The following EBF1 variants were observed in gnomAD, a reference collection of about 807,000 sequenced individuals.
EBF1 encodes the protein EBF transcription factor 1.
Under a neutral mutation model 68.4 loss-of-function variants are expected in EBF1, and 10 were observed. The ratio of observed to expected loss-of-function variants is 0.15; its 90% CI spans 0.09 to 0.25. The LOEUF is 0.25. Ranked by LOEUF, EBF1 falls within the 10% of genes least tolerant of loss-of-function variation. The pLI, the probability that EBF1 is intolerant of heterozygous loss-of-function variation, is 1.00. For synonymous variants in EBF1, 298 were observed against 299.8 expected (o/e 0.99, Z 0.06); for missense variants, 509 against 794.4 (o/e 0.64, Z 4.32).
At chr5:158,927,539 A>G (rs918810306) in intron 6 of EBF1, among the ~76,000 whole-genome samples, 1 of 152,238 alleles carries the variant, frequency 6.6e-6, no homozygotes, top group Non-Finnish European at 1.5e-5. Flanking sequence ...CATTCTAATA[A>G]TACAGGAATT....
rs1038767194 is a variant in EBF1, at chr5:159,085,887, T to C, written c.412-1148A>G. On this transcript the variant is annotated intron_variant, in intron 4 of 15. Coordinates refer to ENST00000313708, the MANE Select transcript of EBF1 (RefSeq NM_024007.5). Reference sequence around the variant, plus strand: ...ACTTTCAGAACCTGTAAATGATGAATATAACTTGCGACCCAGTGTGTATAG... The same window carrying C: ...ACTTTCAGAACCTGTAAATGATGAACATAACTTGCGACCCAGTGTGTATAG... Among the ~76,000 whole-genome samples, 27 of 152,158 alleles carry C rather than the reference T, an allele frequency of 1.8e-4. 1 individual carries two copies. The highest frequency in any genetic ancestry group is 4.1e-4 in the South Asian group (2 of 4,826).
chr5:158,895,793 A>T (rs1383216319), intron 6 of EBF1, among the ~76,000 whole-genome samples: 1 of 152,186 alleles, frequency 6.6e-6, no homozygotes, highest in African/African-American at 2.4e-5. Flanking sequence ...AACATATCTG[A>T]AGCTTGTTTT....
intron 6 of EBF1, among the ~76,000 whole-genome samples, chr5:159,016,237 G>C (rs1765594843): frequency 6.6e-6 from 1 of 151,854 alleles, no homozygotes; most frequent in South Asian, 2.1e-4. Context: ...TCCTGGACTT[G>C]AATCTAGAGC....
intron 9 of EBF1, among the ~76,000 whole-genome samples, chr5:158,778,188 C>T (rs1175107989): frequency 2.0e-5 from 3 of 152,108 alleles, no homozygotes; most frequent in Admixed American, 1.3e-4. Flanking sequence ...TGCAATGCCA[C>T]GTGCACAATG....
chr5:158,879,337 G>C (rs1299674208), intron 6 of EBF1, among the ~76,000 whole-genome samples: 2 of 152,208 alleles, frequency 1.3e-5, no homozygotes, highest in Non-Finnish European at 2.9e-5. Context: ...AAGGAAGAGA[G>C]TACATGCGTC....
intron 6 of EBF1, among the ~76,000 whole-genome samples, chr5:158,994,650 G>A (rs1352608308): frequency 6.6e-6 from 1 of 152,156 alleles, no homozygotes; most frequent in African/African-American, 2.4e-5. Flanking sequence ...CATAACGAGA[G>A]TGACTGATCT....
At chr5:158,980,984 C>T (rs1182314601) in intron 6 of EBF1, among the ~76,000 whole-genome samples, 1 of 151,720 alleles carries the variant, frequency 6.6e-6, no homozygotes, top group Admixed American at 6.6e-5. Flanking sequence ...TATTTAAAAC[C>T]ACTGCAAAAG....
At chr5:159,091,699 C>T (rs1373081049) in intron 4 of EBF1, among the ~76,000 whole-genome samples, 1 of 152,172 alleles carries the variant, frequency 6.6e-6, no homozygotes, top group African/African-American at 2.4e-5. Context: ...AAAAAATACA[C>T]TTGCATCAAT....
chr5:158,854,235 C>T (rs1321733599), intron 6 of EBF1, among the ~76,000 whole-genome samples: 1 of 152,198 alleles, frequency 6.6e-6, no homozygotes, highest in Non-Finnish European at 1.5e-5. Context: ...TCACTTTGTG[C>T]CCATTTTAAA....
At chr5:159,002,704 T>C (rs1583841005) in intron 6 of EBF1, among the ~76,000 whole-genome samples, 1 of 152,340 alleles carries the variant, frequency 6.6e-6, no homozygotes, top group Middle Eastern at 3.4e-3. Flanking sequence ...ATTCAAAGGA[T>C]GAAGCCATAT....
At chr5:159,061,709 C>T (rs923646900) in intron 6 of EBF1, among the ~76,000 whole-genome samples, 7 of 151,638 alleles carry the variant, frequency 4.6e-5, no homozygotes, top group African/African-American at 1.2e-4. Flanking sequence ...ACTGATGACA[C>T]ATCACAATGA....
At chr5:158,850,271 T>C (rs1792381567) in intron 6 of EBF1, among the ~76,000 whole-genome samples, 1 of 152,252 alleles carries the variant, frequency 6.6e-6, no homozygotes, top group African/African-American at 2.4e-5. Context: ...AATGATTTAC[T>C]ATTTCTTCAT....
At chr5:158,995,564 A>G (rs904925740) in intron 6 of EBF1, among the ~76,000 whole-genome samples, 1 of 152,164 alleles carries the variant, frequency 6.6e-6, no homozygotes, top group Non-Finnish European at 1.5e-5. Context: ...TGTGGTGTTG[A>G]GGAAAAAGCC....
chr5:158,754,206 C>A (rs1176114800), intron 10 of EBF1, among the ~76,000 whole-genome samples: 1 of 152,180 alleles, frequency 6.6e-6, no homozygotes, highest in Non-Finnish European at 1.5e-5. Flanking sequence ...CCTAAATAGC[C>A]TTTAAAGGCT....
intron 6 of EBF1, among the ~76,000 whole-genome samples, chr5:158,909,734 C>G (rs900526877): frequency 2.0e-5 from 3 of 151,914 alleles, no homozygotes. Flanking sequence ...GTCAGGAGAT[C>G]GAGACCATCC....
At chr5:158,990,914 C>T (rs1256493077) in intron 6 of EBF1, among the ~76,000 whole-genome samples, 1 of 152,200 alleles carries the variant, frequency 6.6e-6, no homozygotes, top group Non-Finnish European at 1.5e-5. Context: ...TTTTTCTCAG[C>T]ACCCATGGGC....
chr5:158,891,494 A>C (rs1213813779), intron 6 of EBF1, among the ~76,000 whole-genome samples: 1 of 152,180 alleles, frequency 6.6e-6, no homozygotes, highest in African/African-American at 2.4e-5. Context: ...TTTGGATTCG[A>C]AGTAGACCCA....
intron 9 of EBF1, among the ~76,000 whole-genome samples, chr5:158,786,056 T>C (rs1777366929): frequency 6.6e-6 from 1 of 152,076 alleles, no homozygotes; most frequent in Non-Finnish European, 1.5e-5. Flanking sequence ...CCACCACTAA[T>C]AATTAAGATA....
intron 9 of EBF1, among the ~76,000 whole-genome samples, chr5:158,777,935 C>T (rs892580558): frequency 1.3e-5 from 2 of 152,246 alleles, no homozygotes; most frequent in East Asian, 3.9e-4. Context: ...ATGTGGAAAA[C>T]ACAGAGGTAG....
Sources: allele counts gnomAD v4.1 joint callset (sites outside exome capture counted in the v4.1 genomes callset), GRCh38; gene constraint gnomAD v4.1.1; transcripts MANE v1.5; gene names NCBI Gene and HGNC (gene_info 2026-07-23, HGNC 2026-07-21).